Variants in STAG1 observed in about 807,000 individuals in gnomAD.
STAG1 encodes the protein cohesin subunit SA-1.
Under a neutral mutation model 170.9 loss-of-function variants are expected in STAG1, and 26 were observed. The observed-to-expected ratio is 0.15, with a 90% CI of 0.11 to 0.21. STAG1 has a LOEUF of 0.21. Among genes scored for constraint, STAG1 ranks in the 10% least tolerant of loss-of-function variants. The pLI is 1.00. For missense variants in STAG1, 964 were observed against 1,509.5 expected, an observed-to-expected ratio of 0.64 and a Z score of 5.99; for synonymous variants, 514 against 497.7, an observed-to-expected ratio of 1.03 and a Z score of -0.44.
chr3:136,636,885 G>T (rs1576697464), intron 1 of STAG1, among the ~76,000 whole-genome samples: 1 of 152,286 alleles, frequency 6.6e-6, no homozygotes, highest in East Asian at 1.9e-4. Context: ...ACCCTGGACA[G>T]GTCACCATTC....
intron 28 of STAG1, among the ~76,000 whole-genome samples, chr3:136,354,972 G>A (rs767028535): frequency 2.6e-5 from 4 of 152,002 alleles, no homozygotes; most frequent in African/African-American, 7.2e-5. Context: ...TAAAGCTGGA[G>A]TGATTATAGT....
chr3:136,477,524 T>C (rs1699123804), intron 9 of STAG1, 112 bp from the exon 10 acceptor site: 1 of 957,976 alleles, frequency 1.0e-6, no homozygotes, highest in Non-Finnish European at 1.5e-6. Context: ...TATATTTGCA[T>C]TCTGAATGGC....
At chr3:136,650,302 A>T (rs375808325) in intron 1 of STAG1, among the ~76,000 whole-genome samples, 13 of 152,204 alleles carry the variant, frequency 8.5e-5, no homozygotes, top group African/African-American at 2.4e-4. Flanking sequence ...ATTCATAATA[A>T]CAATACAAAA....
At chr3:136,528,532 A>C (rs192029453) in intron 6 of STAG1, among the ~76,000 whole-genome samples, 84 of 132,592 alleles carry the variant, frequency 6.3e-4, no homozygotes, top group African/African-American at 2.3e-3. Context: ...CTGGAAAAGG[A>C]ATCCAAATTA....
chr3:136,440,219 G>C (rs1010094947), intron 15 of STAG1, among the ~76,000 whole-genome samples: 4 of 152,050 alleles, frequency 2.6e-5, no homozygotes, highest in Non-Finnish European at 5.9e-5. Flanking sequence ...CTTACTGCAA[G>C]CTCTGCCTCC....
At chr3:136,585,522 A>G (rs1363808061) in intron 4 of STAG1, among the ~76,000 whole-genome samples, 4 of 152,000 alleles carry the variant, frequency 2.6e-5, no homozygotes, top group Non-Finnish European at 4.4e-5. Context: ...TTGAGACAGG[A>G]GAATTACTTG....
chr3:136,336,271 A>G lies in STAG1; in HGVS notation c.*1983T>C, dbSNP rs1935676937. On this transcript the variant is annotated 3_prime_UTR_variant, in exon 34 of 34. Coordinates refer to ENST00000383202, the MANE Select transcript of STAG1 (RefSeq NM_005862.3). ...TAGTTTATTAAAGGAAAGGTGAAGC[A>G]TCAGTTTCAAATTGTACAAAAGGAA... 1 of 152,222 alleles carries G rather than the reference A, an allele frequency of 6.6e-6. No homozygotes were observed. The highest frequency in any genetic ancestry group is 1.5e-5 in the Non-Finnish European group (1 of 68,034). The allele number at this position is 152,222 out of a possible 1,614,324, so 9.4% of individuals were successfully genotyped here.
intron 7 of STAG1, among the ~76,000 whole-genome samples, chr3:136,516,130 T>C (rs775311551): frequency 5.9e-5 from 9 of 152,150 alleles, no homozygotes; most frequent in African/African-American, 1.2e-4. Flanking sequence ...ATCTTAACCA[T>C]AGAAACCAGA....
chr3:136,701,039 A>T (rs1459739749), intron 1 of STAG1, among the ~76,000 whole-genome samples: 1 of 150,420 alleles, frequency 6.6e-6, no homozygotes, highest in Non-Finnish European at 1.5e-5. Flanking sequence ...ATGCCACCAC[A>T]CTTGGCTAAT....
At chr3:136,601,774 T>C (rs1197270583) in intron 4 of STAG1, among the ~76,000 whole-genome samples, 3 of 152,082 alleles carry the variant, frequency 2.0e-5, no homozygotes, top group Non-Finnish European at 4.4e-5. Flanking sequence ...GGGGCAGAAG[T>C]TGCAGTGAGC....
At position 136,412,897 on chromosome 3, in the gene STAG1, T is replaced by C. The variant is rs1020249738; in HGVS notation, c.2196+4988A>G. On this transcript the variant is annotated intron_variant, in intron 21 of 33. Coordinates refer to ENST00000383202, the MANE Select transcript of STAG1 (RefSeq NM_005862.3). Reference sequence around the variant, plus strand: ...TTTTTTTTGAGACCGAATCTTGTTCTATCACCCAGGCTGGAGTGCAGTGGC... The same window carrying C: ...TTTTTTTTGAGACCGAATCTTGTTCCATCACCCAGGCTGGAGTGCAGTGGC... Among the ~76,000 whole-genome samples, 4 of 151,244 alleles carry C rather than the reference T, an allele frequency of 2.6e-5. No individual in the cohort carries two copies. In the South Asian group the frequency reaches 8.3e-4, roughly 32 times the overall value.
chr3:136,656,565 C>G (rs1941376330), intron 1 of STAG1, among the ~76,000 whole-genome samples: 1 of 149,404 alleles, frequency 6.7e-6, no homozygotes, highest in Non-Finnish European at 1.5e-5. Flanking sequence ...CCACACAAAA[C>G]AACAATATAT....
intron 1 of STAG1, among the ~76,000 whole-genome samples, chr3:136,708,993 T>TTTTTA (rs1553769638): frequency 7.7e-6 from 1 of 130,538 alleles, no homozygotes; most frequent in Non-Finnish European, 1.7e-5. Flanking sequence ...TTTTTTTTTT[T>TTTTTA]AAAGACAGGG....
At chr3:136,564,902 A>G (rs1936993711) in intron 5 of STAG1, among the ~76,000 whole-genome samples, 1 of 151,210 alleles carries the variant, frequency 6.6e-6, no homozygotes, top group African/African-American at 2.4e-5. Flanking sequence ...AGAAGGAAAC[A>G]TAGAGGTAAA....
chr3:136,664,936 G>A (rs1941704769), intron 1 of STAG1, among the ~76,000 whole-genome samples: 1 of 152,242 alleles, frequency 6.6e-6, no homozygotes, highest in Admixed American at 6.5e-5. Context: ...AGAGCAGGCA[G>A]AGCTGCAAGC....
intron 3 of STAG1, among the ~76,000 whole-genome samples, chr3:136,620,495 T>G (rs1028819059): frequency 7.2e-5 from 11 of 152,244 alleles, no homozygotes; most frequent in African/African-American, 2.7e-4. Context: ...CCCATTTACT[T>G]GCTGTGTGAC....
At chr3:136,672,750 A>G (rs1942014501) in intron 1 of STAG1, among the ~76,000 whole-genome samples, 1 of 152,232 alleles carries the variant, frequency 6.6e-6, no homozygotes, top group African/African-American at 2.4e-5. Context: ...TGCTAGTCAT[A>G]TGTGCCAGTC....
intron 1 of STAG1, among the ~76,000 whole-genome samples, chr3:136,683,555 T>C (rs1335329040): frequency 6.6e-6 from 1 of 152,128 alleles, no homozygotes; most frequent in Non-Finnish European, 1.5e-5. Flanking sequence ...CGAGCCACAG[T>C]GCCCAGCCTT....
chr3:136,498,887 T>C (rs1011214425), intron 9 of STAG1, among the ~76,000 whole-genome samples: 1 of 152,206 alleles, frequency 6.6e-6, no homozygotes, highest in African/African-American at 2.4e-5. Context: ...TTGGTTAAAA[T>C]GTTTAAGTTC....
Sources: gnomAD v4.1 joint callset for allele counts (sites outside exome capture counted in the v4.1 genomes callset) on GRCh38, gnomAD v4.1.1 for gene constraint, MANE v1.5 for transcripts, NCBI Gene and HGNC (gene_info 2026-07-23, HGNC 2026-07-21) for gene names.